Variants in SNRPN observed in about 807,000 individuals in gnomAD.
SNRPN encodes the protein small nuclear ribonucleoprotein-associated protein N.
SNRPN carries 7 observed loss-of-function variants against 25.2 expected under a neutral mutation model. The ratio of observed to expected loss-of-function variants is 0.28; its 90% CI spans 0.16 to 0.52. The LOEUF (loss-of-function observed/expected upper bound fraction) is 0.52. Among genes scored for constraint, SNRPN ranks in the 20% least tolerant of loss-of-function variants. SNRPN has a pLI of 0.96. For synonymous variants in SNRPN, 124 were observed against 110.6 expected (o/e 1.12, Z -0.76); for missense variants, 196 against 322.5 (o/e 0.61, Z 3.00).
chr15:24,924,356 G>T (rs556023372), intron 3 of SNRPN, among the ~76,000 whole-genome samples: 1 of 152,168 alleles, frequency 6.6e-6, no homozygotes, highest in East Asian at 1.9e-4. Flanking sequence ...AACAGCCGGT[G>T]ACAAAGTCTG....
At chr15:24,939,829 G>A (rs558716752) in intron 3 of SNRPN, among the ~76,000 whole-genome samples, 14 of 141,368 alleles carry the variant, frequency 9.9e-5, no homozygotes, top group Non-Finnish European at 1.4e-4. Context: ...TCACTCTATC[G>A]CTCAGGCTGG....
At chr15:24,955,947 G>A (rs2062790497) in intron 1 of SNRPN, among the ~76,000 whole-genome samples, 1 of 150,128 alleles carries the variant, frequency 6.7e-6, no homozygotes, top group African/African-American at 2.5e-5. Context: ...ATCAGAAGGG[G>A]CAGTAGCACA....
In SNRPN at chr15:24,872,219, G is replaced by A. The variant is rs986428957; in HGVS notation, c.-578-14297G>A. ...TATCACTTTTGTTGCCCAGGTTGGA[G>A]TGCAGTGGCACAATCTCAGCTCACT... On this transcript the variant is annotated intron_variant, in intron 1 of 11. Coordinates refer to the SNRPN transcript ENST00000400097. Among the ~76,000 whole-genome samples, 15 of 117,236 alleles carry A rather than the reference G, an allele frequency of 1.3e-4. 2 individuals carry two copies. Among genetic ancestry groups the A allele is most frequent in the African/African-American group, 2.0e-4 (7 of 34,348 alleles). The allele number at this position is 117,236 out of a possible 152,430, so 76.9% of individuals were successfully genotyped here.
chr15:24,966,333 G>A (rs1258980700), intron 2 of SNRPN, among the ~76,000 whole-genome samples: 1 of 152,078 alleles, frequency 6.6e-6, no homozygotes, highest in Non-Finnish European at 1.5e-5. Flanking sequence ...GCAAAATCTG[G>A]GCAGGTCCCA....
rs185644164 is a variant in SNRPN at position 24,913,430 on chromosome 15, G to C, written c.-504-6581G>C. Among the ~76,000 whole-genome samples the C allele has an allele frequency of 1.2e-3, 180 of 152,206 alleles. 1 individual carries two copies. The highest frequency in any genetic ancestry group is 2.3e-3 in the Non-Finnish European group (159 of 68,002). On this transcript the variant is annotated intron_variant, in intron 2 of 11. Coordinates refer to the SNRPN transcript ENST00000400097. Reference sequence around the variant, plus strand: ...CGACAAGGTGGGCAGATCACTTGAGGTCAGGAGTTTGAGACCAGCCTGGCC... The same window carrying C: ...CGACAAGGTGGGCAGATCACTTGAGCTCAGGAGTTTGAGACCAGCCTGGCC...
intron 2 of SNRPN, among the ~76,000 whole-genome samples, chr15:24,846,080 G>A (rs61994709): frequency 0.01 from 1,402 of 135,790 alleles, 13 homozygotes; most frequent in South Asian, 0.022. Context: ...ACGAGACTCC[G>A]TCTCAAAAAA....
chr15:24,834,747 C>CTATA (rs1566806537), intron 2 of SNRPN, among the ~76,000 whole-genome samples: 2 of 74,104 alleles, frequency 2.7e-5, no homozygotes, highest in Non-Finnish European at 5.1e-5. Flanking sequence ...CTCTCTCTCT[C>CTATA]TCTCTATATA....
intron 2 of SNRPN, among the ~76,000 whole-genome samples, chr15:24,910,580 C>T (rs1187964181): frequency 6.6e-6 from 1 of 152,064 alleles, no homozygotes; most frequent in African/African-American, 2.4e-5. Flanking sequence ...CAACCTCTGC[C>T]TCCTCCCGGG....
At chr15:24,902,918 T>G (rs527932730) in intron 2 of SNRPN, among the ~76,000 whole-genome samples, 61 of 152,316 alleles carry the variant, frequency 4.0e-4, no homozygotes, top group Admixed American at 2.4e-3. Context: ...CACTGCTGGC[T>G]CCGGTGGCCA....
At chr15:24,935,490 C>G (rs1436165165) in intron 3 of SNRPN, among the ~76,000 whole-genome samples, 1 of 152,070 alleles carries the variant, frequency 6.6e-6, no homozygotes, top group Non-Finnish European at 1.5e-5. Flanking sequence ...GTGACAGGAC[C>G]ATGAGTGGAT....
chr15:24,864,698 G>T (rs1455106097), intron 1 of SNRPN, among the ~76,000 whole-genome samples: 1 of 151,684 alleles, frequency 6.6e-6, no homozygotes, highest in Admixed American at 6.6e-5. Context: ...TCCCCCCTAT[G>T]CTCCCTCACT....
intron 2 of SNRPN, among the ~76,000 whole-genome samples, chr15:24,918,594 A>ATGTG (rs61375412): frequency 2.0e-4 from 13 of 64,172 alleles, no homozygotes; most frequent in African/African-American, 4.6e-4. Flanking sequence ...CATAATATAT[A>ATGTG]TGTATATATA....
upstream of SNRPN, among the ~76,000 whole-genome samples, chr15:24,950,961 A>G (rs573880475): frequency 6.6e-6 from 1 of 151,736 alleles, no homozygotes; most frequent in Non-Finnish European, 1.5e-5. Flanking sequence ...CCCGGGCTCA[A>G]GGGAGTCTTT....
At position 24,978,184 on chromosome 15, in the gene SNRPN, T is replaced by A. The variant is rs1041610633; in HGVS notation, c.560-9T>A. ...ATGAGGCCTTTATTTCTACCATTTT[T>A]CACTGTAGGCATTATGGCTCCTCCA... On this transcript the variant is annotated splice_polypyrimidine_tract_variant and intron_variant, in intron 8 of 9. Coordinates refer to ENST00000390687, the MANE Select transcript of SNRPN (RefSeq NM_003097.6). The A allele has an allele frequency of 5.6e-6, 9 of 1,610,754 alleles. No individual in the cohort carries two copies. The African/African-American group carries it at 1.2e-4, about 22-fold the overall frequency.
chr15:24,965,164 A>G (rs78751272), intron 2 of SNRPN, among the ~76,000 whole-genome samples: 3,030 of 152,302 alleles, frequency 0.02, 107 homozygotes, highest in African/African-American at 0.069. Flanking sequence ...TTACCCATTC[A>G]TCTCCTACTT....
chr15:24,973,597 A>G (rs2076716685), intron 3 of SNRPN, among the ~76,000 whole-genome samples: 1 of 150,334 alleles, frequency 6.7e-6, no homozygotes, highest in African/African-American at 2.4e-5. Context: ...ACGGGATTTC[A>G]CCATGTTGGC....
At chr15:24,950,464 C>T (rs2062174173), upstream of SNRPN, among the ~76,000 whole-genome samples, 1 of 151,712 alleles carries the variant, frequency 6.6e-6, no homozygotes, top group Non-Finnish European at 1.5e-5. Flanking sequence ...CATGAGCCAC[C>T]ACCAGTTTTT....
chr15:24,908,492 G>A (rs1262807722), intron 2 of SNRPN, among the ~76,000 whole-genome samples: 4 of 152,146 alleles, frequency 2.6e-5, no homozygotes, highest in African/African-American at 9.7e-5. Context: ...AATATGGACA[G>A]TAAAGGACAT....
At chr15:24,976,181 T>TC (rs1252672529) in intron 5 of SNRPN, 124 bp from the exon 6 acceptor site, 7 of 755,418 alleles carry the variant, frequency 9.3e-6, no homozygotes, top group African/African-American at 3.5e-5. Context: ...GGCTTGTTTT[T>TC]CAGTGATAAC....
Sources: allele counts gnomAD v4.1 joint callset (sites outside exome capture counted in the v4.1 genomes callset), GRCh38; gene constraint gnomAD v4.1.1; transcripts MANE v1.5; gene names NCBI Gene and HGNC (gene_info 2026-07-23, HGNC 2026-07-21).